TNFSF8: variants seen among roughly 807,000 people sequenced by gnomAD.
The protein encoded by TNFSF8 is tumor necrosis factor ligand superfamily member 8.
In TNFSF8, 4 loss-of-function variants were observed where a neutral mutation model predicts 22.0. The observed-to-expected ratio is 0.18, with a 90% CI of 0.09 to 0.42. The LOEUF (loss-of-function observed/expected upper bound fraction) is 0.42, where lower values mean the gene tolerates loss of function less well. Among genes scored for constraint, TNFSF8 ranks in the 10% least tolerant of loss-of-function variants. TNFSF8 has a pLI of 1.00. For synonymous variants in TNFSF8, 106 were observed against 112.5 expected, an observed-to-expected ratio of 0.94 and a Z score of 0.37; for missense variants, 233 against 281.8, an observed-to-expected ratio of 0.83 and a Z score of 1.24.
Position 114,894,493 on chromosome 9 carries a change from G to A in TNFSF8, c.410-329C>T, listed in dbSNP as rs78689526. On this transcript the variant is annotated intron_variant, in intron 4 of 4. Coordinates refer to the TNFSF8 transcript ENST00000618336. ...TCAAGTAGCCTCAGGGTAGTGCAGT[G>A]TAGTGTGGTTAGAAATATAGCTCTG... Among the ~76,000 whole-genome samples the A allele has an allele frequency of 4.5e-3, 678 of 152,310 alleles. 13 individuals carry two copies. The highest frequency in any genetic ancestry group is 0.027 in the East Asian group (141 of 5,184).
chr9:114,905,059 G>A (rs1000423174), intron 3 of TNFSF8, among the ~76,000 whole-genome samples: 4 of 152,222 alleles, frequency 2.6e-5, no homozygotes, highest in African/African-American at 4.8e-5. Context: ...GTTGGAAGGT[G>A]AGTCTCTAAG....
chr9:114,898,321 G>T (rs5003740), downstream of TNFSF8, among the ~76,000 whole-genome samples: 7 of 151,996 alleles, frequency 4.6e-5, no homozygotes, highest in Non-Finnish European at 7.4e-5. Context: ...CTATTTCGTT[G>T]GATTGCTTTG....
At chr9:114,924,074 G>A (rs1164507466) in intron 1 of TNFSF8, among the ~76,000 whole-genome samples, 1 of 152,090 alleles carries the variant, frequency 6.6e-6, no homozygotes, top group East Asian at 1.9e-4. Flanking sequence ...AATTGGCCTG[G>A]ACCCTTTAAA....
At chr9:114,925,069 C>T (rs1363102399) in intron 1 of TNFSF8, among the ~76,000 whole-genome samples, 1 of 152,136 alleles carries the variant, frequency 6.6e-6, no homozygotes, top group Non-Finnish European at 1.5e-5. Context: ...GTTCAAGAGG[C>T]TAAAGAAGAG....
In TNFSF8 at chr9:114,930,265, G is replaced by C; in HGVS notation, c.39C>G (p.Ala13=). 1.9e-6 allele frequency: 3 copies of C among 1,600,182 alleles called. No individual in the cohort carries two copies. Among genetic ancestry groups the C allele is most frequent in the Non-Finnish European group, 2.6e-6 (3 of 1,173,542 alleles). The change falls in exon 1 of 4, where the codon GCC becomes GCG. Residue 13 remains alanine (A), a synonymous_variant. Transcript: ENST00000223795. Reference sequence around the variant, plus strand: ...CATGCATGGCTGTGTCTCCAGGAGGGGCCATTCCGTTGAGTGCTTGCTGCA... The same window carrying C: ...CATGCATGGCTGTGTCTCCAGGAGGCGCCATTCCGTTGAGTGCTTGCTGCA... ...PGLQQALNGM[A]PPGDTAMHVP...
downstream of TNFSF8, among the ~76,000 whole-genome samples, chr9:114,897,784 A>C (rs2131338225): frequency 6.6e-6 from 1 of 152,274 alleles, no homozygotes; most frequent in Middle Eastern, 3.4e-3. Context: ...GGCTGAGCAC[A>C]AAACTAGAGA....
chr9:114,927,861 T>C (rs1828082753), intron 1 of TNFSF8, among the ~76,000 whole-genome samples: 1 of 152,196 alleles, frequency 6.6e-6, no homozygotes, highest in Non-Finnish European at 1.5e-5. Context: ...AGAGTTTCTT[T>C]TAGAGTCTCT....
intron 1 of TNFSF8, among the ~76,000 whole-genome samples, chr9:114,921,508 T>C (rs1280706777): frequency 6.6e-6 from 1 of 152,144 alleles, no homozygotes; most frequent in Non-Finnish European, 1.5e-5. Flanking sequence ...TCCTCCCCTC[T>C]CCCATAAGCA....
At position 114,904,126 on chromosome 9, in the gene TNFSF8, T is replaced by A. The variant is rs1322795604; in HGVS notation, c.510A>T (p.Lys170Asn). Residue 170 changes from lysine to asparagine, a missense_variant, in exon 4 of 4, where the codon AAA (lysine) becomes AAT (asparagine). By Grantham distance (94) the Lys-to-Asn change is moderately conservative (BLOSUM62 0). Transcript: ENST00000223795. Reference sequence around the variant, plus strand: ...ACTCACACACTGTCACCAGGGCCTGTTTTTTGATATGCTTGTTGATGAGAA... The same window carrying A: ...ACTCACACACTGTCACCAGGGCCTGATTTTTGATATGCTTGTTGATGAGAA... ...LELLINKHIK[K>N]QALVTVCESG... The A allele has an allele frequency of 1.2e-6, 2 of 1,614,102 alleles. No individual in the cohort carries two copies. Among genetic ancestry groups the A allele is most frequent in the Admixed American group, 3.3e-5 (2 of 60,006 alleles).
chr9:114,913,404 T>G (rs1012869151), intron 2 of TNFSF8, among the ~76,000 whole-genome samples: 2 of 152,224 alleles, frequency 1.3e-5, no homozygotes, highest in Non-Finnish European at 2.9e-5. Context: ...ACCCTCGCCA[T>G]GGACCATGTT....
Position 114,905,866 on chromosome 9 carries a change from T to C in TNFSF8, c.272A>G (p.Lys91Arg). 1 of 1,612,658 alleles carries C rather than the reference T, an allele frequency of 6.2e-7. No homozygotes were observed. Among genetic ancestry groups the C allele is most frequent in the East Asian group, 2.2e-5 (1 of 44,878 alleles). Residue 91 changes from lysine (K) to arginine (R), a missense_variant, in exon 3 of 4, where the codon AAA (lysine) becomes AGA (arginine). Lys to Arg is a conservative substitution (Grantham distance 26). Coordinates refer to ENST00000223795, the MANE Select transcript of TNFSF8 (RefSeq NM_001244.4). The stretch of plus-strand genomic sequence containing the variant: ...CCATGACTTCTTGAATGGAGCCCTT[T>C]TCAGGATACATAAGAGGTCTTCTGA... Reference protein sequence around the residue: ...NCSEDLLCILKRAPFKKSWAY... With the variant: ...NCSEDLLCILRRAPFKKSWAY...
rs894272187 is a variant in TNFSF8, at chr9:114,901,387, T to C, written c.*2544A>G. On this transcript the variant is annotated 3_prime_UTR_variant, in exon 4 of 4. Coordinates refer to ENST00000223795, the MANE Select transcript of TNFSF8 (RefSeq NM_001244.4). ...GATGTACCCCTTGTGTCTTTAGGTG[T>C]TGGCTTTCTTAGCATTGCTTGACAG... is the stretch of plus-strand genomic sequence containing the variant. 12 of 985,324 alleles carry C rather than the reference T, an allele frequency of 1.2e-5. No individual in the cohort carries two copies. Among genetic ancestry groups the C allele is most frequent in the Admixed American group, 1.2e-4 (2 of 16,272 alleles). The allele number at this position is 985,324 out of a possible 1,614,324, so 61.0% of individuals were successfully genotyped here.
At position 114,901,550 on chromosome 9, in the gene TNFSF8, G is replaced by A. The variant is rs1827717247; in HGVS notation, c.*2381C>T. The A allele has an allele frequency of 1.0e-6, 1 of 985,150 alleles. No individual in the cohort carries two copies. The highest frequency in any genetic ancestry group is 1.1e-4 in the East Asian group (1 of 8,832). The allele number at this position is 985,150 out of a possible 1,614,324, so 61.0% of individuals were successfully genotyped here. On this transcript the variant is annotated 3_prime_UTR_variant, in exon 4 of 4. Transcript: ENST00000223795. Reference sequence around the variant, plus strand: ...AAAATTGCTTAGTTAACACACAGTTGGGTTGCATATACCTTTTCAAGAATG... The same window carrying A: ...AAAATTGCTTAGTTAACACACAGTTAGGTTGCATATACCTTTTCAAGAATG...
intron 1 of TNFSF8, among the ~76,000 whole-genome samples, chr9:114,924,525 A>G (rs1424117512): frequency 2.0e-5 from 3 of 152,188 alleles, no homozygotes; most frequent in Admixed American, 1.3e-4. Context: ...TGCTGCCTCC[A>G]GCTTACTTTC....
chr9:114,928,627 C>T (rs992108440), intron 1 of TNFSF8, among the ~76,000 whole-genome samples: 1 of 152,156 alleles, frequency 6.6e-6, no homozygotes, highest in Non-Finnish European at 1.5e-5. Flanking sequence ...AAATGACATA[C>T]CCTTGGTTCA....
At chr9:114,918,617 T>A (rs1416929744) in intron 1 of TNFSF8, among the ~76,000 whole-genome samples, 1 of 152,096 alleles carries the variant, frequency 6.6e-6, no homozygotes, top group Non-Finnish European at 1.5e-5. Context: ...ACTCAGCTAA[T>A]TAAAAAAAGG....
intron 2 of TNFSF8, among the ~76,000 whole-genome samples, chr9:114,907,041 T>C (rs1827794192): frequency 6.6e-6 from 1 of 152,200 alleles, no homozygotes. Context: ...CATTGCCGAG[T>C]AGTACCTGCT....
downstream of TNFSF8, among the ~76,000 whole-genome samples, chr9:114,899,822 T>TTC (rs1827697037): frequency 6.6e-6 from 1 of 152,296 alleles, no homozygotes; most frequent in South Asian, 2.1e-4. Context: ...AAGCTCCAGG[T>TTC]CATGAGCTCT....
Position 114,904,231 on chromosome 9 carries a change from G to A in TNFSF8, c.405C>T (p.Phe135=), listed in dbSNP as rs1289316693. 1.9e-6 allele frequency: 3 copies of A among 1,614,126 alleles called. No homozygotes were observed. The highest frequency in any genetic ancestry group is 2.5e-6 in the Non-Finnish European group (3 of 1,179,990). ...RYQDGNLVIQ[F]PGLYFIICQL... is the part of the protein sequence containing the mutation. The stretch of plus-strand genomic sequence containing the variant: ...GGCAAATGATGAAGTACAAACCAGG[G>A]AATTGGATCACCAGATTCCCATCCT... Residue 135 remains phenylalanine (F), a synonymous_variant, in exon 4 of 4, where the codon TTC becomes TTT. Coordinates refer to ENST00000223795, the MANE Select transcript of TNFSF8 (RefSeq NM_001244.4).
Sources: gnomAD v4.1 joint callset for allele counts (sites outside exome capture counted in the v4.1 genomes callset) on GRCh38, gnomAD v4.1.1 for gene constraint, MANE v1.5 for transcripts, NCBI Gene and HGNC (gene_info 2026-07-23, HGNC 2026-07-21) for gene names.